ESRRG: variants seen among roughly 807,000 people sequenced by gnomAD.
ESRRG encodes estrogen-related receptor gamma.
A neutral mutation model predicts 44.0 loss-of-function variants in ESRRG; 13 were observed. The ratio of observed to expected loss-of-function variants is 0.30; its 90% CI spans 0.19 to 0.47. The LOEUF (loss-of-function observed/expected upper bound fraction) is 0.47. ESRRG is among the 20% of genes least tolerant of loss of function. The pLI, the probability that ESRRG is intolerant of heterozygous loss-of-function variation, is 1.00. For missense variants in ESRRG, 395 were observed against 580.6 expected (o/e 0.68, Z 3.29); for synonymous variants, 215 against 214.6 (o/e 1.00, Z -0.02).
chr1:217,099,387 A>C (rs1002417145), intron 1 of ESRRG, among the ~76,000 whole-genome samples: 1 of 152,230 alleles, frequency 6.6e-6, no homozygotes, highest in Non-Finnish European at 1.5e-5. Context: ...AAAAAAAAAA[A>C]AAAAGTCAAG....
chr1:216,618,659 A>G (rs941574613), intron 3 of ESRRG, among the ~76,000 whole-genome samples: 4 of 152,242 alleles, frequency 2.6e-5, no homozygotes, highest in Non-Finnish European at 4.4e-5. Flanking sequence ...TTTTCACTGC[A>G]TCTTAGAATG....
chr1:216,818,392 A>G (rs2095207627), intron 2 of ESRRG, among the ~76,000 whole-genome samples: 1 of 152,232 alleles, frequency 6.6e-6, no homozygotes, highest in Non-Finnish European at 1.5e-5. Context: ...AACAAGGACT[A>G]GAAAATTGTA....
chr1:216,870,308 C>G (rs1338112790), intron 2 of ESRRG, among the ~76,000 whole-genome samples: 1 of 150,554 alleles, frequency 6.6e-6, no homozygotes, highest in African/African-American at 2.4e-5. Flanking sequence ...ATCGAGACAG[C>G]CTTGCAATCC....
At chr1:216,696,477 G>A (rs1404288951) in intron 1 of ESRRG, among the ~76,000 whole-genome samples, 3 of 151,970 alleles carry the variant, frequency 2.0e-5, no homozygotes, top group Non-Finnish European at 4.4e-5. Flanking sequence ...TAACAAAACT[G>A]TGACCAAATT....
chr1:217,135,157 G>GTC (rs963224395), intron 1 of ESRRG, among the ~76,000 whole-genome samples: 22 of 152,212 alleles, frequency 1.4e-4, no homozygotes, highest in African/African-American at 5.3e-4. Context: ...GAAAGGAAAG[G>GTC]TCTCCATCTG....
At position 216,644,811 on chromosome 1, in the gene ESRRG, T is replaced by A. The variant is rs1474593251; in HGVS notation, c.589+6162A>T. Reference sequence around the variant, plus strand: ...ATCAATAAAACACATAACTATCTGATTTGTTTTGCTTGTTTTAATAACTTA... The same window carrying A: ...ATCAATAAAACACATAACTATCTGAATTGTTTTGCTTGTTTTAATAACTTA... On this transcript the variant is annotated intron_variant, in intron 3 of 6. Transcript: ENST00000408911. Among the ~76,000 whole-genome samples the A allele has an allele frequency of 2.6e-5, 4 of 152,156 alleles. No homozygotes were observed. In the East Asian group the frequency reaches 7.7e-4, roughly 29 times the overall value.
rs373047965 is a variant in ESRRG, at chr1:216,922,925, C to T, written c.-14+16657G>A. Among the ~76,000 whole-genome samples, 64 of 152,268 alleles carry T rather than the reference C, an allele frequency of 4.2e-4. 1 individual carries two copies. The East Asian group carries it at 4.6e-3, about 11-fold the overall frequency. Reference sequence around the variant, plus strand: ...CCACTCCTACCCTTTCACGCCTGCACACTGTATATTTGTTGTCACTGTTTA... The same window carrying T: ...CCACTCCTACCCTTTCACGCCTGCATACTGTATATTTGTTGTCACTGTTTA... On this transcript the variant is annotated intron_variant, in intron 2 of 7. Coordinates refer to the ESRRG transcript ENST00000359162.
intron 1 of ESRRG, among the ~76,000 whole-genome samples, chr1:216,968,026 T>G (rs1293567497): frequency 6.6e-6 from 1 of 152,216 alleles, no homozygotes; most frequent in East Asian, 1.9e-4. Flanking sequence ...TTATTTGCTA[T>G]TTGTATTTCT....
intron 2 of ESRRG, among the ~76,000 whole-genome samples, chr1:216,768,425 T>C (rs538797249): frequency 2.6e-4 from 40 of 151,874 alleles, no homozygotes; most frequent in South Asian, 1.0e-3. Context: ...GTGAGGTAAA[T>C]AGATATAGAT....
At chr1:216,527,312 C>G (rs2047957476) in intron 5 of ESRRG, among the ~76,000 whole-genome samples, 1 of 152,130 alleles carries the variant, frequency 6.6e-6, no homozygotes, top group African/African-American at 2.4e-5. Context: ...TAAATTTTAA[C>G]AGCATCCTTA....
chr1:216,813,122 G>A (rs1345735121), intron 2 of ESRRG, among the ~76,000 whole-genome samples: 2 of 152,170 alleles, frequency 1.3e-5, no homozygotes, highest in East Asian at 3.9e-4. Flanking sequence ...CTCGTGAGCT[G>A]TGATGGCTGA....
At chr1:216,784,143 T>A (rs1362798944) in intron 2 of ESRRG, among the ~76,000 whole-genome samples, 1 of 151,440 alleles carries the variant, frequency 6.6e-6, no homozygotes, top group Non-Finnish European at 1.5e-5. Context: ...TACCCCATAT[T>A]ATTCCTCTGA....
intron 1 of ESRRG, among the ~76,000 whole-genome samples, chr1:217,137,325 A>C (rs2102564782): frequency 6.6e-6 from 1 of 152,304 alleles, no homozygotes; most frequent in Admixed American, 6.5e-5. Context: ...TTAAACGCAA[A>C]AGTTACTCTG....
intron 5 of ESRRG, among the ~76,000 whole-genome samples, chr1:216,530,135 G>A (rs76107499): frequency 2.4e-5 from 3 of 122,902 alleles, no homozygotes; most frequent in Admixed American, 1.6e-4. Context: ...AAAAAAAAAG[G>A]GGGTGGGGGA....
At chr1:216,830,834 A>G (rs1222905628) in intron 2 of ESRRG, among the ~76,000 whole-genome samples, 1 of 152,192 alleles carries the variant, frequency 6.6e-6, no homozygotes, top group Non-Finnish European at 1.5e-5. Flanking sequence ...TAGAAGGAAA[A>G]AAAAAGGGAT....
intron 2 of ESRRG, among the ~76,000 whole-genome samples, chr1:216,761,071 A>G (rs191495988): frequency 6.6e-6 from 1 of 152,024 alleles, no homozygotes; most frequent in African/African-American, 2.4e-5. Flanking sequence ...CCCCCTGGGG[A>G]CAGGTGTTAA....
At chr1:217,130,558 T>A (rs1401191288) in intron 1 of ESRRG, among the ~76,000 whole-genome samples, 1 of 152,206 alleles carries the variant, frequency 6.6e-6, no homozygotes, top group African/African-American at 2.4e-5. Context: ...CTTCCTGATG[T>A]TACATCTCCA....
intron 3 of ESRRG, among the ~76,000 whole-genome samples, chr1:216,633,274 G>A (rs544985668): frequency 3.9e-5 from 6 of 152,286 alleles, no homozygotes; most frequent in South Asian, 4.1e-4. Context: ...GAGGGCCTGC[G>A]GAGGAGACAG....
chr1:216,643,847 CT>C (rs2066953120), intron 3 of ESRRG, among the ~76,000 whole-genome samples: 1 of 152,124 alleles, frequency 6.6e-6, no homozygotes, highest in Non-Finnish European at 1.5e-5. Flanking sequence ...ATAAACTCTG[CT>C]GCTTATTGGG....
Sources: gnomAD v4.1 joint callset for allele counts (sites outside exome capture counted in the v4.1 genomes callset) on GRCh38, gnomAD v4.1.1 for gene constraint, MANE v1.5 for transcripts, NCBI Gene and HGNC (gene_info 2026-07-23, HGNC 2026-07-21) for gene names.